The following KIF26B variants were observed in gnomAD, a reference collection of about 807,000 sequenced individuals.
KIF26B encodes the protein kinesin family member 26B.
In KIF26B, 63 loss-of-function variants were observed where a neutral mutation model predicts 151.2. That is an observed-to-expected ratio of 0.42 (90% CI 0.34 to 0.51). The LOEUF (loss-of-function observed/expected upper bound fraction) is 0.51. KIF26B is among the 20% of genes least tolerant of loss of function. The probability of loss-of-function intolerance (pLI) is 0.07; values close to 1 mark genes in which losing one functional copy is unlikely to be tolerated. For synonymous variants in KIF26B, 1,357 were observed against 1,262.1 expected (o/e 1.08, Z -1.59); for missense variants, 2,813 against 2,913.6 (o/e 0.97, Z 0.79).
At chr1:245,679,514 G>C (rs2044404009) in intron 10 of KIF26B, among the ~76,000 whole-genome samples, 1 of 132,428 alleles carries the variant, frequency 7.6e-6, no homozygotes, top group South Asian at 2.5e-4. Flanking sequence ...TGTCACCCAG[G>C]CTGGAGTGCA....
chr1:245,181,198 T>A, intron 2 of KIF26B, among the ~76,000 whole-genome samples: 1 of 152,132 alleles, frequency 6.6e-6, no homozygotes, highest in Non-Finnish European at 1.5e-5. Context: ...TTACCCCGAT[T>A]TCCCCCCCTT....
intron 4 of KIF26B, among the ~76,000 whole-genome samples, chr1:245,448,238 C>A (rs999910760): frequency 2.6e-5 from 4 of 152,212 alleles, no homozygotes; most frequent in Non-Finnish European, 5.9e-5. Context: ...GACAGGGTCT[C>A]ACTCTGTTGC....
intron 2 of KIF26B, among the ~76,000 whole-genome samples, chr1:245,199,846 CCCAT>C (rs1278498594): frequency 1.1e-4 from 2 of 18,834 alleles, no homozygotes; most frequent in Non-Finnish European, 2.8e-4. Flanking sequence ...CATCCATCCA[CCCAT>C]CCACTTGTTC....
At chr1:245,323,117 A>T (rs1671919368) in intron 2 of KIF26B, among the ~76,000 whole-genome samples, 1 of 152,226 alleles carries the variant, frequency 6.6e-6, no homozygotes, top group African/African-American at 2.4e-5. Flanking sequence ...TATTTATGTT[A>T]TATAGCTTGT....
intron 10 of KIF26B, among the ~76,000 whole-genome samples, chr1:245,664,359 C>A (rs201568967): frequency 6.5e-4 from 92 of 140,734 alleles, no homozygotes; most frequent in South Asian, 6.8e-4. Flanking sequence ...AACTCCATCT[C>A]AAAAAAAAAA....
At chr1:245,684,455 G>C (rs2044483165) in intron 11 of KIF26B, 60 bp downstream of exon 11, 1 of 1,484,268 alleles carries the variant, frequency 6.7e-7, no homozygotes, top group Non-Finnish European at 9.0e-7. Flanking sequence ...CCGTGCCCTG[G>C]AACAGAGTCA....
chr1:245,309,373 C>T (rs1052719502), intron 2 of KIF26B, among the ~76,000 whole-genome samples: 4 of 152,018 alleles, frequency 2.6e-5, no homozygotes, highest in Non-Finnish European at 5.9e-5. Flanking sequence ...ACTGGCCTTC[C>T]CGTGAGTCAG....
chr1:245,556,301 C>T (rs564970220), intron 5 of KIF26B, among the ~76,000 whole-genome samples: 4 of 145,848 alleles, frequency 2.7e-5, no homozygotes, highest in African/African-American at 1.1e-4. Context: ...TCCTTCCTCC[C>T]TCCTCCTCCT....
At chr1:245,427,360 C>G (rs998534520) in intron 4 of KIF26B, among the ~76,000 whole-genome samples, 1 of 152,240 alleles carries the variant, frequency 6.6e-6, no homozygotes, top group African/African-American at 2.4e-5. Flanking sequence ...GTAATCCCAG[C>G]ACTTCGGGAG....
chr1:245,640,160 T>TATATATACATATATATATATATATAC (rs796722836), intron 9 of KIF26B, among the ~76,000 whole-genome samples: 1 of 54,850 alleles, frequency 1.8e-5, no homozygotes, highest in Non-Finnish European at 3.7e-5. Flanking sequence ...TATATATATA[T>TATATATACATATATATATATATATAC]ACCCTGCTAT....
intron 4 of KIF26B, among the ~76,000 whole-genome samples, chr1:245,429,283 A>G (rs748847733): frequency 4.6e-5 from 7 of 152,200 alleles, no homozygotes; most frequent in South Asian, 2.1e-4. Flanking sequence ...TGAATTCTCA[A>G]CGTTCCCTTT....
intron 4 of KIF26B, among the ~76,000 whole-genome samples, chr1:245,505,161 C>T (rs1173499178): frequency 6.6e-6 from 1 of 151,402 alleles, no homozygotes; most frequent in Non-Finnish European, 1.5e-5. Context: ...TGTTCTCGAA[C>T]TCATGACCTC....
chr1:245,205,672 A>G (rs1270973013), intron 2 of KIF26B, among the ~76,000 whole-genome samples: 1 of 151,486 alleles, frequency 6.6e-6, no homozygotes, highest in Non-Finnish European at 1.5e-5. Context: ...ACAGAACAGA[A>G]CAGTTTCCTG....
At chr1:245,269,959 C>G (rs879929010) in intron 2 of KIF26B, among the ~76,000 whole-genome samples, 4 of 152,146 alleles carry the variant, frequency 2.6e-5, no homozygotes, top group Non-Finnish European at 5.9e-5. Context: ...TGAATAAATA[C>G]CCAGAGGTGG....
At chr1:245,206,420 A>T (rs917306007) in intron 2 of KIF26B, 2 of 152,302 alleles carry the variant, frequency 1.3e-5, no homozygotes, top group African/African-American at 4.8e-5. Flanking sequence ...GATTTTCCTT[A>T]TGAGTAGGGA....
intron 2 of KIF26B, among the ~76,000 whole-genome samples, chr1:245,302,859 G>T (rs893926454): frequency 2.6e-5 from 4 of 151,522 alleles, no homozygotes; most frequent in African/African-American, 9.7e-5. Flanking sequence ...CGTGGTGGCG[G>T]GTGCCTGTAA....
intron 6 of KIF26B, among the ~76,000 whole-genome samples, chr1:245,604,146 C>A (rs1282292031): frequency 2.0e-5 from 3 of 152,162 alleles, no homozygotes; most frequent in Admixed American, 1.3e-4. Context: ...AGAATATAGC[C>A]TACTTTGCCT....
intron 4 of KIF26B, among the ~76,000 whole-genome samples, chr1:245,535,140 A>C (rs1448532492): frequency 1.3e-5 from 2 of 152,048 alleles, no homozygotes; most frequent in Non-Finnish European, 2.9e-5. Context: ...TAAATAATAC[A>C]ATTATACGTG....
At chr1:245,609,882 C>G (rs563745928) in intron 8 of KIF26B, among the ~76,000 whole-genome samples, 2 of 152,102 alleles carry the variant, frequency 1.3e-5, no homozygotes, top group Non-Finnish European at 2.9e-5. Context: ...AGAGCCATTA[C>G]GGGGCTGTTG....
Sources: allele counts gnomAD v4.1 joint callset (sites outside exome capture counted in the v4.1 genomes callset), GRCh38; gene constraint gnomAD v4.1.1; transcripts MANE v1.5; gene names NCBI Gene and HGNC (gene_info 2026-07-23, HGNC 2026-07-21).